The following SNX29 variants were observed in gnomAD, a reference collection of about 807,000 sequenced individuals.
SNX29 encodes the protein sorting nexin-29.
SNX29 carries 78 observed loss-of-function variants against 102.1 expected under a neutral mutation model. That is an observed-to-expected ratio of 0.76 (90% CI 0.64 to 0.92). The LOEUF (loss-of-function observed/expected upper bound fraction) is 0.92, where lower values mean the gene tolerates loss of function less well. SNX29 is among the 40% of genes least tolerant of loss of function. The pLI is 0.00. For missense variants in SNX29, 1,280 were observed against 1,061.7 expected (o/e 1.21, Z -2.86); for synonymous variants, 580 against 414.5 (o/e 1.40, Z -4.85).
chr16:12,078,158 G>A lies in SNX29; in HGVS notation c.1320-675G>A, dbSNP rs368978745. Among the ~76,000 whole-genome samples, 11 of 151,966 alleles carry A rather than the reference G, an allele frequency of 7.2e-5. No homozygotes were observed. In the East Asian group the frequency reaches 2.1e-3, roughly 30 times the overall value. On this transcript the variant is annotated intron_variant, in intron 10 of 20. Coordinates refer to ENST00000566228, the MANE Select transcript of SNX29 (RefSeq NM_032167.5). ...AGTACCACTTCAGCACTGTGCTTGG[G>A]GACATTTTAAACAATAAAATCAAGT...
At chr16:12,328,943 C>T (rs891784035) in intron 15 of SNX29, among the ~76,000 whole-genome samples, 8 of 152,008 alleles carry the variant, frequency 5.3e-5, no homozygotes, top group African/African-American at 1.7e-4. Context: ...CCTATCTTGG[C>T]TTCATCCTTG....
At chr16:12,531,268 A>C (rs1226021132) in intron 20 of SNX29, among the ~76,000 whole-genome samples, 1 of 152,226 alleles carries the variant, frequency 6.6e-6, no homozygotes, top group Non-Finnish European at 1.5e-5. Context: ...GTCAGGGCGC[A>C]CTGGGACCTG....
intron 20 of SNX29, among the ~76,000 whole-genome samples, chr16:12,525,264 A>G (rs1368067741): frequency 1.3e-5 from 2 of 152,114 alleles, no homozygotes; most frequent in Non-Finnish European, 2.9e-5. Context: ...AATTATTTTT[A>G]TATGAGTTTT....
chr16:12,197,059 T>G (rs2076794232), intron 13 of SNX29, among the ~76,000 whole-genome samples: 1 of 152,232 alleles, frequency 6.6e-6, no homozygotes, highest in Non-Finnish European at 1.5e-5. Context: ...GCCCGACGGC[T>G]GGCAGCAAAT....
At chr16:12,417,289 C>G (rs912465067) in intron 18 of SNX29, among the ~76,000 whole-genome samples, 1 of 152,242 alleles carries the variant, frequency 6.6e-6, no homozygotes, top group Non-Finnish European at 1.5e-5. Context: ...TTCCTGTGTT[C>G]AGCATCTAGA....
At chr16:12,051,756 A>G (rs2050312389) in intron 7 of SNX29, 91 bp from the exon 8 acceptor site, 2 of 1,521,538 alleles carry the variant, frequency 1.3e-6, no homozygotes, top group Admixed American at 4.5e-5. Context: ...CTCGAATAGT[A>G]TTTTCCATAA....
intron 11 of SNX29, chr16:12,087,627 T>C: frequency 5.6e-6 from 2 of 358,498 alleles, no homozygotes; most frequent in South Asian, 4.2e-5. Flanking sequence ...TAGTACTCAT[T>C]AGATGGTAAA....
chr16:12,138,944 TG>T (rs2054764053), intron 13 of SNX29, among the ~76,000 whole-genome samples: 2 of 152,130 alleles, frequency 1.3e-5, no homozygotes, highest in African/African-American at 4.8e-5. Context: ...GGCTCACGCC[TG>T]TAATCCCAAC....
intron 4 of SNX29, among the ~76,000 whole-genome samples, chr16:12,037,577 C>A (rs1266957006): frequency 1.3e-5 from 2 of 152,110 alleles, no homozygotes; most frequent in Non-Finnish European, 2.9e-5. Context: ...TCCACCCCTG[C>A]AGTAGGGGGA....
At chr16:12,491,677 C>G (rs975328578) in intron 19 of SNX29, among the ~76,000 whole-genome samples, 1 of 152,106 alleles carries the variant, frequency 6.6e-6, no homozygotes, top group Admixed American at 6.5e-5. Context: ...TATCCCTCCC[C>G]CTTCCCCCAA....
At chr16:12,566,276 A>G (rs35272133) in intron 20 of SNX29, among the ~76,000 whole-genome samples, 39,215 of 152,120 alleles carry the variant, frequency 0.26, 5,563 homozygotes, top group East Asian at 0.44. Context: ...CACTGCCCAC[A>G]GCAGGACTGG....
chr16:12,134,720 GCAGGAGGCAGGGGT>G (rs1454144386), intron 13 of SNX29, among the ~76,000 whole-genome samples: 1 of 152,174 alleles, frequency 6.6e-6, no homozygotes, highest in Non-Finnish European at 1.5e-5. Flanking sequence ...GGTGTGACTA[GCAGGAGGCAGGGGT>G]CACTGAGGCC....
At chr16:12,438,712 T>G (rs919904625) in intron 18 of SNX29, among the ~76,000 whole-genome samples, 1 of 152,228 alleles carries the variant, frequency 6.6e-6, no homozygotes, top group East Asian at 1.9e-4. Flanking sequence ...GAATGAACAG[T>G]CAGAAAGCCC....
Position 12,434,872 on chromosome 16 carries a change from C to T in SNX29, c.2037+31343C>T, listed in dbSNP as rs368854921. On this transcript the variant is annotated intron_variant, in intron 18 of 20. Coordinates refer to ENST00000566228, the MANE Select transcript of SNX29 (RefSeq NM_032167.5). ...CTCCATGCTGCCACTTTGTAACAGA[C>T]GTTACAGACGTCTGTTACAAAGTAT... 1.3e-3 allele frequency among the ~76,000 whole-genome samples: 191 copies of T among 150,466 alleles called. 1 individual carries two copies. The highest frequency in any genetic ancestry group is 2.4e-3 in the Non-Finnish European group (160 of 67,812).
intron 11 of SNX29, chr16:12,087,986 C>A (rs1340524022): frequency 4.4e-6 from 2 of 456,544 alleles, no homozygotes; most frequent in South Asian, 1.5e-5. Flanking sequence ...AGACCCTGTG[C>A]AGGGGGCCAT....
intron 19 of SNX29, among the ~76,000 whole-genome samples, chr16:12,482,881 G>C (rs1231783977): frequency 6.6e-6 from 1 of 152,100 alleles, no homozygotes; most frequent in East Asian, 1.9e-4. Flanking sequence ...ATAGTGTGTG[G>C]ACCCAGCATT....
chr16:12,567,608 A>G (rs2079065317), intron 20 of SNX29, among the ~76,000 whole-genome samples: 2 of 152,048 alleles, frequency 1.3e-5, no homozygotes, highest in Admixed American at 6.5e-5. Context: ...TCTCTACAAA[A>G]AATTACACTC....
At chr16:12,094,075 G>A (rs1201769318) in intron 11 of SNX29, among the ~76,000 whole-genome samples, 5 of 152,074 alleles carry the variant, frequency 3.3e-5, no homozygotes, top group Admixed American at 3.3e-4. Context: ...TATTAGCAGT[G>A]GGAACCTGGG....
At chr16:12,308,550 CTTG>C (rs2080422945) in intron 15 of SNX29, among the ~76,000 whole-genome samples, 1 of 152,142 alleles carries the variant, frequency 6.6e-6, no homozygotes, top group African/African-American at 2.4e-5. Flanking sequence ...TGTTTGTCAA[CTTG>C]TTGTGCACTC....
Sources: gnomAD v4.1 joint callset for allele counts (sites outside exome capture counted in the v4.1 genomes callset) on GRCh38, gnomAD v4.1.1 for gene constraint, MANE v1.5 for transcripts, NCBI Gene and HGNC (gene_info 2026-07-23, HGNC 2026-07-21) for gene names.